Variants in MYLK4 observed in about 807,000 individuals in gnomAD.
The protein encoded by MYLK4 is caMLCK like.
MYLK4 carries 46 observed loss-of-function variants against 48.1 expected under a neutral mutation model. That is an observed-to-expected ratio of 0.96 (90% confidence interval 0.75 to 1.22). The LOEUF (loss-of-function observed/expected upper bound fraction) is 1.22. MYLK4 is among the 50% of genes most tolerant of loss of function. The pLI is 0.00. For missense variants in MYLK4, 451 were observed against 486.1 expected (o/e 0.93, Z 0.68); for synonymous variants, 170 against 180.8 (o/e 0.94, Z 0.48).
At position 2,685,159 on chromosome 6, in the gene MYLK4, G is replaced by A. The variant is rs1761477832; in HGVS notation, c.545+137C>T. On this transcript the variant is annotated intron_variant, in intron 6 of 12. Transcript: ENST00000274643. The surrounding 1 kb of genome is among the most constrained non-coding windows in gnomAD (Gnocchi z 4.5). ...TTTCCCTTCTAGAACTGATGTGATT[G>A]TGTGATCCGCGCGAATCAGAGTCTG... 6.2e-6 allele frequency: 4 copies of A among 649,694 alleles called. No homozygotes were observed. The highest frequency in any genetic ancestry group is 1.1e-5 in the Non-Finnish European group (4 of 355,830). 40.2% of individuals were successfully genotyped at this position (649,694 alleles called of 1,614,324 possible). A position where few individuals can be genotyped will look rare whatever the true frequency, so the allele number is the denominator to read the frequency against.
rs1280682567 is a variant in MYLK4 at position 2,666,127 on chromosome 6, C to G, written c.*1798G>C. On this transcript the variant is annotated 3_prime_UTR_variant, in exon 13 of 13. Coordinates refer to ENST00000274643, the MANE Select transcript of MYLK4 (RefSeq NM_001012418.5). Reference sequence around the variant, plus strand: ...TTCGCATGTGGCCTTCACCAAATCACGTATTTCCTTCTATCTCTACTTCCT... The same window carrying G: ...TTCGCATGTGGCCTTCACCAAATCAGGTATTTCCTTCTATCTCTACTTCCT... 1 of 152,190 alleles carries G rather than the reference C, an allele frequency of 6.6e-6. No homozygotes were observed. The highest frequency in any genetic ancestry group is 2.4e-5 in the African/African-American group (1 of 41,440). The allele number at this position is 152,190 out of a possible 1,614,324, so 9.4% of individuals were successfully genotyped here. A position where few individuals can be genotyped will look rare whatever the true frequency, so the allele number is the denominator to read the frequency against.
At chr6:2,740,278 C>T (rs1253937549) in intron 2 of MYLK4, among the ~76,000 whole-genome samples, 1 of 152,220 alleles carries the variant, frequency 6.6e-6, no homozygotes, top group Non-Finnish European at 1.5e-5. Context: ...ACCTCTGCTC[C>T]AGCCAGTACT....
the MYLK4 span, among the ~76,000 whole-genome samples, chr6:2,769,588 AC>A: frequency 3.3e-5 from 5 of 152,254 alleles, no homozygotes; most frequent in Admixed American, 1.3e-4. Context: ...GAATAAAAAG[AC>A]CCTTTTAAAG....
At chr6:2,683,192 G>A in intron 6 of MYLK4, 30 bp from the exon 7 acceptor site, 1 of 1,613,492 alleles carries the variant, frequency 6.2e-7, no homozygotes, top group Non-Finnish European at 8.5e-7. Context: ...GAAACCCTCA[G>A]TCCCGATTTC....
At chr6:2,686,770 C>A (rs1347932265) in intron 4 of MYLK4, among the ~76,000 whole-genome samples, 1 of 152,214 alleles carries the variant, frequency 6.6e-6, no homozygotes, top group Non-Finnish European at 1.5e-5. Flanking sequence ...TTACCATAAA[C>A]GTAGCCACGG....
intron 2 of MYLK4, among the ~76,000 whole-genome samples, chr6:2,694,774 A>G (rs185496045): frequency 3.4e-4 from 51 of 152,206 alleles, no homozygotes; most frequent in Non-Finnish European, 5.9e-4. Context: ...AGATACTATT[A>G]GCCCCATCGT....
rs1044957329 is a variant in MYLK4 at position 2,746,907 on chromosome 6, C to T, written c.159+2229G>A. Among the ~76,000 whole-genome samples, 5 of 152,202 alleles carry T rather than the reference C, an allele frequency of 3.3e-5. No homozygotes were observed. The South Asian group carries it at 8.3e-4, about 25-fold the overall frequency. On this transcript the variant is annotated intron_variant, in intron 2 of 12. Coordinates refer to ENST00000274643, the MANE Select transcript of MYLK4 (RefSeq NM_001012418.5). ...CACCCGCTGCCAAGCCTGCTGGCTG[C>T]CCTGGCACCCACCAACTAGGCAGGC...
chr6:2,767,042 C>T, the MYLK4 span, among the ~76,000 whole-genome samples: 9 of 152,138 alleles, frequency 5.9e-5, no homozygotes, highest in Non-Finnish European at 1.2e-4. Context: ...AAAACTTTTT[C>T]ATCTGCAAGT....
At chr6:2,702,268 A>G (rs892299046) in intron 2 of MYLK4, among the ~76,000 whole-genome samples, 3 of 152,250 alleles carry the variant, frequency 2.0e-5, no homozygotes, top group African/African-American at 7.2e-5. Context: ...GCCCAAAGAC[A>G]GGATGAAAAC....
chr6:2,711,799 T>G (rs575859069), intron 2 of MYLK4, among the ~76,000 whole-genome samples: 2 of 152,188 alleles, frequency 1.3e-5, no homozygotes, highest in African/African-American at 4.8e-5. Context: ...GTATCTTTTT[T>G]TTTTAAAGGC....
At chr6:2,694,239 T>C (rs1023374408) in intron 2 of MYLK4, among the ~76,000 whole-genome samples, 1 of 152,030 alleles carries the variant, frequency 6.6e-6, no homozygotes, top group Non-Finnish European at 1.5e-5. Context: ...TTGCCTACTT[T>C]TCCCTCTGCA....
chr6:2,763,848 GAAAA>G, the MYLK4 span, among the ~76,000 whole-genome samples: 5 of 149,968 alleles, frequency 3.3e-5, no homozygotes, highest in Non-Finnish European at 7.4e-5. Context: ...AGGGACAAAT[GAAAA>G]AAAAAAGCTC....
the MYLK4 span, among the ~76,000 whole-genome samples, chr6:2,758,991 TAAG>T: frequency 6.6e-6 from 1 of 151,884 alleles, no homozygotes; most frequent in African/African-American, 2.4e-5. Context: ...ACCAGCACTA[TAAG>T]AATTCTCCTG....
chr6:2,690,211 G>A (rs1452063073), intron 3 of MYLK4, among the ~76,000 whole-genome samples: 1 of 152,138 alleles, frequency 6.6e-6, no homozygotes. Flanking sequence ...GTCGGCCCCG[G>A]GAGCTCCTCA....
intron 2 of MYLK4, among the ~76,000 whole-genome samples, chr6:2,696,153 G>C (rs766430596): frequency 2.0e-5 from 3 of 152,198 alleles, no homozygotes; most frequent in Non-Finnish European, 4.4e-5. Context: ...AAGGCTAAGT[G>C]GTCCAGATGT....
rs1345977851 is a variant in MYLK4 at position 2,672,690 on chromosome 6, T to C, written c.1120-1342A>G. Among the ~76,000 whole-genome samples the C allele has an allele frequency of 2.6e-5, 4 of 152,230 alleles. No homozygotes were observed. Among genetic ancestry groups the C allele is most frequent in the African/African-American group, 4.8e-5 (2 of 41,464 alleles). ...CAATATTTCCTTGAAAAGTAAGATA[T>C]ACTAAGTTTGAATATTGATTTTCAG... On this transcript the variant is annotated intron_variant, in intron 11 of 12. Coordinates refer to ENST00000274643, the MANE Select transcript of MYLK4 (RefSeq NM_001012418.5). The surrounding 1 kb of genome is among the most constrained non-coding windows in gnomAD (Gnocchi z 4.3).
intron 2 of MYLK4, among the ~76,000 whole-genome samples, chr6:2,709,516 G>C (rs1157812677): frequency 6.6e-6 from 1 of 152,210 alleles, no homozygotes; most frequent in African/African-American, 2.4e-5. Context: ...GCCACAGCAA[G>C]CCCCAGGACT....
At position 2,745,107 on chromosome 6, in the gene MYLK4, G is replaced by A. The variant is rs139677920; in HGVS notation, c.159+4029C>T. 6.2e-4 allele frequency among the ~76,000 whole-genome samples: 94 copies of A among 152,276 alleles called. 1 individual carries two copies. The East Asian group carries it at 0.015, about 24-fold the overall frequency. ...CCCCGGGCCTCAGGAGCAGGGATGG[G>A]GGTGGTACACCGAGGAAAGCAGTGA... On this transcript the variant is annotated intron_variant, in intron 2 of 12. Transcript: ENST00000274643.
intron 2 of MYLK4, among the ~76,000 whole-genome samples, chr6:2,745,924 C>CA (rs1224875872): frequency 0.013 from 1,543 of 119,466 alleles, 16 homozygotes; most frequent in African/African-American, 0.038. Flanking sequence ...GAAGCTGTCT[C>CA]AAAAAAAAAA....
Sources: allele counts gnomAD v4.1 joint callset (sites outside exome capture counted in the v4.1 genomes callset), GRCh38; gene constraint gnomAD v4.1.1; non-coding constraint Gnocchi (gnomAD v3.1); transcripts MANE v1.5; gene names NCBI Gene and HGNC (gene_info 2026-07-23, HGNC 2026-07-21).